AGBL1: variants seen among roughly 807,000 people sequenced by gnomAD.
AGBL1 encodes cytosolic carboxypeptidase 4.
A neutral mutation model predicts 118.9 loss-of-function variants in AGBL1; 130 were observed. That is an observed-to-expected ratio of 1.09 (90% CI 0.95 to 1.26). AGBL1 has a LOEUF of 1.26. Among genes scored for constraint, AGBL1 ranks in the 50% most tolerant of loss-of-function variants. The pLI, the probability that AGBL1 is intolerant of heterozygous loss-of-function variation, is 0.00. For synonymous variants in AGBL1, 555 were observed against 478.9 expected, an observed-to-expected ratio of 1.16 and a Z score of -2.08; for missense variants, 1,584 against 1,298.1, an observed-to-expected ratio of 1.22 and a Z score of -3.38.
At chr15:86,189,227 C>T (rs1203413642) in intron 5 of AGBL1, among the ~76,000 whole-genome samples, 2 of 152,114 alleles carry the variant, frequency 1.3e-5, no homozygotes, top group Middle Eastern at 3.2e-3. Flanking sequence ...AAACCATGTC[C>T]ATTTTACATC....
intron 22 of AGBL1, among the ~76,000 whole-genome samples, chr15:86,826,913 A>G (rs933189193): frequency 6.6e-6 from 1 of 152,046 alleles, no homozygotes; most frequent in Non-Finnish European, 1.5e-5. Context: ...CATAATTATT[A>G]TAATGGGTAA....
intron 19 of AGBL1, among the ~76,000 whole-genome samples, chr15:86,527,010 G>T (rs2083277007): frequency 6.6e-6 from 1 of 151,622 alleles, no homozygotes; most frequent in Non-Finnish European, 1.5e-5. Context: ...GTTAAAACAA[G>T]AATACTGGTT....
intron 21 of AGBL1, among the ~76,000 whole-genome samples, chr15:86,614,396 A>G (rs2084695694): frequency 6.6e-6 from 1 of 152,210 alleles, no homozygotes; most frequent in Non-Finnish European, 1.5e-5. Flanking sequence ...TTTTCTTAGT[A>G]TTTAGCACCT....
intron 22 of AGBL1, among the ~76,000 whole-genome samples, chr15:86,852,078 T>C (rs1327924853): frequency 6.6e-6 from 1 of 152,144 alleles, no homozygotes; most frequent in Non-Finnish European, 1.5e-5. Context: ...TTCACACTGC[T>C]ATAAATATAC....
At chr15:86,941,597 A>G (rs1347019285) in intron 23 of AGBL1, among the ~76,000 whole-genome samples, 1 of 152,198 alleles carries the variant, frequency 6.6e-6, no homozygotes, top group Non-Finnish European at 1.5e-5. Flanking sequence ...TATAGAGATA[A>G]TATACGTAGA....
At chr15:86,121,937 C>G (rs931372056) in intron 1 of AGBL1, among the ~76,000 whole-genome samples, 2 of 152,172 alleles carry the variant, frequency 1.3e-5, no homozygotes, top group African/African-American at 4.8e-5. Context: ...AAAAGGAGGA[C>G]TTTCATACAA....
intron 24 of AGBL1, among the ~76,000 whole-genome samples, chr15:87,018,802 G>T (rs2081633165): frequency 6.6e-6 from 1 of 152,006 alleles, no homozygotes; most frequent in Non-Finnish European, 1.5e-5. Flanking sequence ...TAGGCAAAAT[G>T]CCCCAATGAA....
At chr15:86,568,445 G>A (rs538936344) in intron 21 of AGBL1, among the ~76,000 whole-genome samples, 2 of 152,294 alleles carry the variant, frequency 1.3e-5, no homozygotes, top group Admixed American at 1.3e-4. Context: ...TCTTAAATCA[G>A]CTCAGAAGTG....
At chr15:86,652,315 T>A (rs1252484640) in intron 21 of AGBL1, among the ~76,000 whole-genome samples, 1 of 152,156 alleles carries the variant, frequency 6.6e-6, no homozygotes, top group African/African-American at 2.4e-5. Context: ...CAATTTCCAT[T>A]TCTGTGGTTC....
intron 18 of AGBL1, among the ~76,000 whole-genome samples, chr15:86,495,743 A>AAT (rs924974235): frequency 1.3e-5 from 2 of 152,024 alleles, no homozygotes; most frequent in Non-Finnish European, 2.9e-5. Context: ...ATAAATATTC[A>AAT]ATATATGGTA....
intron 22 of AGBL1, among the ~76,000 whole-genome samples, chr15:86,679,617 C>T (rs1223536602): frequency 6.6e-6 from 1 of 151,370 alleles, no homozygotes; most frequent in Non-Finnish European, 1.5e-5. Flanking sequence ...TTATGAGCAT[C>T]CTCACCATAA....
At chr15:86,812,582 C>G (rs1351482930) in intron 22 of AGBL1, among the ~76,000 whole-genome samples, 1 of 152,182 alleles carries the variant, frequency 6.6e-6, no homozygotes, top group Non-Finnish European at 1.5e-5. Flanking sequence ...GCTAAATGGA[C>G]AGTGGTGATC....
At chr15:86,707,085 G>T (rs1490359288) in intron 22 of AGBL1, among the ~76,000 whole-genome samples, 1 of 152,094 alleles carries the variant, frequency 6.6e-6, no homozygotes, top group East Asian at 1.9e-4. Flanking sequence ...CTCTCTATCT[G>T]TTCATCTCTC....
At chr15:86,951,493 T>C (rs1240143516) in intron 23 of AGBL1, among the ~76,000 whole-genome samples, 1 of 152,202 alleles carries the variant, frequency 6.6e-6, no homozygotes, top group Admixed American at 6.5e-5. Context: ...TTCTATATAG[T>C]AACAAAGTGC....
chr15:86,109,145 G>T (rs1405078421), intron 1 of AGBL1, among the ~76,000 whole-genome samples: 5 of 152,122 alleles, frequency 3.3e-5, no homozygotes, highest in African/African-American at 1.2e-4. Context: ...ATACTTGGTA[G>T]GTACTCATTA....
At chr15:86,791,412 A>C (rs1004582975) in intron 22 of AGBL1, among the ~76,000 whole-genome samples, 1 of 152,140 alleles carries the variant, frequency 6.6e-6, no homozygotes, top group Non-Finnish European at 1.5e-5. Flanking sequence ...CAGAATTAAA[A>C]CAAGTAATTC....
chr15:86,620,008 T>G (rs552415127), intron 21 of AGBL1, among the ~76,000 whole-genome samples: 23 of 152,272 alleles, frequency 1.5e-4, no homozygotes, highest in Non-Finnish European at 2.9e-4. Context: ...TCACTAGTGT[T>G]AGCCACATAA....
chr15:86,260,887 A>T (rs62013832), intron 9 of AGBL1, among the ~76,000 whole-genome samples: 35,788 of 152,142 alleles, frequency 0.24, 4,524 homozygotes, highest in Middle Eastern at 0.34. Context: ...CCACCTCCAG[A>T]TAAGAATAAA....
At chr15:86,669,154 C>T (rs2085697348) in intron 21 of AGBL1, among the ~76,000 whole-genome samples, 1 of 151,996 alleles carries the variant, frequency 6.6e-6, no homozygotes, top group African/African-American at 2.4e-5. Context: ...GCAAACAGGA[C>T]TACACTACTG....
Sources: gnomAD v4.1 joint callset for allele counts (sites outside exome capture counted in the v4.1 genomes callset) on GRCh38, gnomAD v4.1.1 for gene constraint, MANE v1.5 for transcripts, NCBI Gene and HGNC (gene_info 2026-07-23, HGNC 2026-07-21) for gene names.